The following CLASP1 variants were observed in gnomAD, a reference collection of about 807,000 sequenced individuals.
The protein encoded by CLASP1 is CLIP-associating protein 1.
In CLASP1, 38 loss-of-function variants were observed where a neutral mutation model predicts 192.3. That is an observed-to-expected ratio of 0.20 (90% CI 0.15 to 0.26). CLASP1 has a LOEUF of 0.26. Ranked by LOEUF, CLASP1 falls within the 10% of genes least tolerant of loss-of-function variation. CLASP1 has a pLI of 1.00. For missense variants in CLASP1, 1,433 were observed against 1,932.5 expected (o/e 0.74, Z 4.85); for synonymous variants, 691 against 712.8 (o/e 0.97, Z 0.49).
At chr2:121,509,231 A>G (rs2094036769) in intron 7 of CLASP1, among the ~76,000 whole-genome samples, 2 of 152,198 alleles carry the variant, frequency 1.3e-5, no homozygotes, top group African/African-American at 2.4e-5. Flanking sequence ...GCTGAAGTGC[A>G]GTGGCACGAT....
intron 5 of CLASP1, among the ~76,000 whole-genome samples, chr2:121,526,584 A>T (rs1559518634): frequency 6.6e-6 from 1 of 152,090 alleles, no homozygotes; most frequent in Admixed American, 6.5e-5. Context: ...CTTAAGCTTC[A>T]GTTACATATG....
In CLASP1 at chr2:121,531,149, G is replaced by A. The variant is rs146108216; in HGVS notation, c.196-824C>T. On this transcript the variant is annotated intron_variant, in intron 2 of 39. Coordinates refer to ENST00000263710, the Ensembl canonical transcript of CLASP1. ...GTAAAGTTCTTTCAGTTTTTGCGGTGATTAAACGGGAAGGATTTCAACAGA... is the reference window on the plus strand; with the variant it reads ...GTAAAGTTCTTTCAGTTTTTGCGGTAATTAAACGGGAAGGATTTCAACAGA... 1,075 of 612,188 alleles carry A rather than the reference G, an allele frequency of 1.8e-3. 12 individuals carry two copies. Among genetic ancestry groups the A allele is most frequent in the African/African-American group, 0.016 (895 of 54,644 alleles). The allele number at this position is 612,188 out of a possible 1,614,324, so 37.9% of individuals were successfully genotyped here. A position where few individuals can be genotyped will look rare whatever the true frequency, so the allele number is the denominator to read the frequency against.
chr2:121,588,539 T>C (rs1043511535), intron 2 of CLASP1, among the ~76,000 whole-genome samples: 2 of 151,894 alleles, frequency 1.3e-5, no homozygotes, highest in Non-Finnish European at 2.9e-5. Context: ...ATAAACAAAA[T>C]AAAGTACAAA....
Position 121,428,063 on chromosome 2 carries a change from A to G in CLASP1, c.2018-633T>C, listed in dbSNP as rs573138402. 2.2e-3 allele frequency among the ~76,000 whole-genome samples: 339 copies of G among 152,318 alleles called. 1 individual carries two copies. The highest frequency in any genetic ancestry group is 6.6e-3 in the African/African-American group (274 of 41,562). ...CTGGCTAGTGTGGTCACTCTTCCTGAGTACGATTTGGTGAGTGAAGTAAAA... is the reference window on the plus strand; with the variant it reads ...CTGGCTAGTGTGGTCACTCTTCCTGGGTACGATTTGGTGAGTGAAGTAAAA... On this transcript the variant is annotated intron_variant, in intron 20 of 39. Transcript: ENST00000263710.
At chr2:121,599,682 G>A (rs1288385052) in intron 2 of CLASP1, among the ~76,000 whole-genome samples, 12 of 150,692 alleles carry the variant, frequency 8.0e-5, no homozygotes, top group South Asian at 2.1e-4. Context: ...TTGAGAGGCC[G>A]AGGCAGTCGG....
intron 3 of CLASP1, among the ~76,000 whole-genome samples, chr2:121,529,252 T>TC (rs920117725): frequency 1.3e-5 from 2 of 152,184 alleles, no homozygotes; most frequent in Admixed American, 1.3e-4. Context: ...AGCCCAGCTC[T>TC]CCATCTTCCC....
chr2:121,397,530 T>C (rs2075486277), intron 29 of CLASP1, among the ~76,000 whole-genome samples: 1 of 152,228 alleles, frequency 6.6e-6, no homozygotes, highest in Non-Finnish European at 1.5e-5. Context: ...GTAGAGAAGC[T>C]TGCTCTGCTC....
At chr2:121,480,623 C>T (rs1352437548) in intron 8 of CLASP1, among the ~76,000 whole-genome samples, 1 of 152,176 alleles carries the variant, frequency 6.6e-6, no homozygotes, top group Non-Finnish European at 1.5e-5. Flanking sequence ...GAGAGATAGG[C>T]TTCTGTTTCC....
At chr2:121,648,061 A>T (rs977214707) in intron 1 of CLASP1, among the ~76,000 whole-genome samples, 1 of 152,258 alleles carries the variant, frequency 6.6e-6, no homozygotes, top group Admixed American at 6.5e-5. Flanking sequence ...AATAATATTC[A>T]ATACTCTGAG....
At chr2:121,380,071 T>C (rs1173739358) in intron 33 of CLASP1, among the ~76,000 whole-genome samples, 1 of 152,256 alleles carries the variant, frequency 6.6e-6, no homozygotes, top group Non-Finnish European at 1.5e-5. Flanking sequence ...CATAACTGCT[T>C]ACCTCTAGGA....
chr2:121,530,614 T>C, intron 2 of CLASP1: 2 of 530,402 alleles, frequency 3.8e-6, no homozygotes, highest in Non-Finnish European at 6.8e-6. Context: ...CGCGCCGCGG[T>C]CCCGCCCCCG....
intron 2 of CLASP1, among the ~76,000 whole-genome samples, chr2:121,578,378 C>T (rs1055869873): frequency 5.9e-5 from 8 of 134,930 alleles, no homozygotes; most frequent in African/African-American, 1.9e-4. Context: ...GATATGATTA[C>T]ACCACTGCAC....
intron 37 of CLASP1, among the ~76,000 whole-genome samples, chr2:121,353,688 GCTAT>G (rs1303214926): frequency 6.6e-6 from 1 of 152,206 alleles, no homozygotes; most frequent in Non-Finnish European, 1.5e-5. Context: ...TCCCATCTTA[GCTAT>G]CTTTCTATTC....
rs879429057 is a variant in CLASP1 at position 121,530,901 on chromosome 2, G to A, written c.196-576C>T. ...TTATAACCATCCTTTTCTTGGGGTTGCGCTACTGTCCAATGAGCGCATAGT... is the reference window on the plus strand; with the variant it reads ...TTATAACCATCCTTTTCTTGGGGTTACGCTACTGTCCAATGAGCGCATAGT... On this transcript the variant is annotated intron_variant, in intron 2 of 39. Coordinates refer to ENST00000263710, the Ensembl canonical transcript of CLASP1. 23 of 695,712 alleles carry A rather than the reference G, an allele frequency of 3.3e-5. No individual in the cohort carries two copies. The highest frequency in any genetic ancestry group is 5.4e-5 in the East Asian group (2 of 37,134). The allele number at this position is 695,712 out of a possible 1,614,324, so 43.1% of individuals were successfully genotyped here.
intron 8 of CLASP1, among the ~76,000 whole-genome samples, chr2:121,501,463 A>G (rs2093751556): frequency 6.6e-6 from 1 of 152,226 alleles, no homozygotes. Context: ...AGGGTAAAGG[A>G]GAGAAAATTA....
intron 1 of CLASP1, among the ~76,000 whole-genome samples, chr2:121,647,338 A>G (rs1445605720): frequency 6.6e-6 from 1 of 152,242 alleles, no homozygotes; most frequent in Non-Finnish European, 1.5e-5. Context: ...ATTGCACTTC[A>G]GCCTGGGCGA....
rs2094643576 is a variant in CLASP1, at chr2:121,528,538, T to G, written c.378+139A>C. 9 of 670,452 alleles carry G rather than the reference T, an allele frequency of 1.3e-5. No individual in the cohort carries two copies. The East Asian group carries it at 2.3e-4, about 17-fold the overall frequency. 41.5% of individuals were successfully genotyped at this position (670,452 alleles called of 1,614,324 possible). On this transcript the variant is annotated intron_variant, in intron 4 of 39. Transcript: ENST00000263710. ...ATCTTGCATGGGGAAACAGATTGAA[T>G]GCTGTGAAAATTTTTATCTGTAATA...
chr2:121,643,045 C>A (rs1166258399), intron 1 of CLASP1, among the ~76,000 whole-genome samples: 1 of 152,148 alleles, frequency 6.6e-6, no homozygotes, highest in Non-Finnish European at 1.5e-5. Context: ...GTTAATTGGA[C>A]AGTAGTGAGG....
intron 8 of CLASP1, among the ~76,000 whole-genome samples, chr2:121,478,871 CCACACCA>C (rs2092198242): frequency 6.5e-5 from 1 of 15,342 alleles, no homozygotes; most frequent in Non-Finnish European, 1.5e-4. Flanking sequence ...CACACACACA[CCACACCA>C]CACACACACC....
Sources: gnomAD v4.1 joint callset for allele counts (sites outside exome capture counted in the v4.1 genomes callset) on GRCh38, gnomAD v4.1.1 for gene constraint, MANE v1.5 for transcripts, NCBI Gene and HGNC (gene_info 2026-07-23, HGNC 2026-07-21) for gene names.